Variants in NFIB observed in about 807,000 individuals in gnomAD.
NFIB encodes the protein nuclear factor I B.
Under a neutral mutation model 61.5 loss-of-function variants are expected in NFIB, and 11 were observed. The observed-to-expected ratio is 0.18, with a 90% confidence interval of 0.11 to 0.30. The LOEUF (loss-of-function observed/expected upper bound fraction) is 0.30, where lower values mean the gene tolerates loss of function less well. Ranked by LOEUF, NFIB falls within the 10% of genes least tolerant of loss-of-function variation. The probability of loss-of-function intolerance (pLI) is 1.00; values close to 1 mark genes in which losing one functional copy is unlikely to be tolerated. For missense variants in NFIB, 471 were observed against 608.9 expected (o/e 0.77, Z 2.38); for synonymous variants, 260 against 216.5 (o/e 1.20, Z -1.76).
the NFIB span, among the ~76,000 whole-genome samples, chr9:14,519,644 G>A: frequency 5.3e-5 from 8 of 152,242 alleles, no homozygotes; most frequent in East Asian, 1.5e-3. Flanking sequence ...GCCCTACTTA[G>A]AGTTAATTAC....
the NFIB span, among the ~76,000 whole-genome samples, chr9:14,404,063 G>A: frequency 6.6e-6 from 1 of 152,112 alleles, no homozygotes; most frequent in Non-Finnish European, 1.5e-5. Context: ...ATGTGTACTG[G>A]TCTTTCCTCC....
At chr9:14,285,024 G>C (rs1044580129) in intron 2 of NFIB, among the ~76,000 whole-genome samples, 5 of 152,194 alleles carry the variant, frequency 3.3e-5, no homozygotes, top group Admixed American at 3.3e-4. Context: ...AGACTGCTTA[G>C]TTTAAAAGAT....
chr9:14,504,219 G>C, the NFIB span, among the ~76,000 whole-genome samples: 2 of 152,106 alleles, frequency 1.3e-5, no homozygotes, highest in African/African-American at 4.8e-5. Flanking sequence ...ATGATGTTTT[G>C]GTGACTATGG....
At chr9:14,233,426 T>A (rs1444554704) in intron 2 of NFIB, among the ~76,000 whole-genome samples, 2 of 147,044 alleles carry the variant, frequency 1.4e-5, no homozygotes, top group African/African-American at 5.0e-5. Context: ...TTATTCTTTT[T>A]TTTTTTTTTT....
intron 2 of NFIB, among the ~76,000 whole-genome samples, chr9:14,211,193 A>T (rs574248288): frequency 6.6e-6 from 1 of 152,358 alleles, no homozygotes; most frequent in South Asian, 2.1e-4. Flanking sequence ...ACAATATTGT[A>T]TTCAAAAATA....
intron 1 of NFIB, among the ~76,000 whole-genome samples, chr9:14,396,489 C>G (rs1030153391): frequency 6.6e-6 from 1 of 151,934 alleles, no homozygotes; most frequent in Non-Finnish European, 1.5e-5. Flanking sequence ...AGGTGGGGAG[C>G]CTCTTTACTT....
chr9:14,091,910 G>A (rs1379185639), intron 10 of NFIB, among the ~76,000 whole-genome samples: 2 of 151,980 alleles, frequency 1.3e-5, no homozygotes, highest in Non-Finnish European at 2.9e-5. Context: ...ATTATAAAAT[G>A]AATACATAAG....
In NFIB at chr9:14,249,243, G is replaced by C. The variant is rs545788894; in HGVS notation, c.562+57746C>G. The stretch of plus-strand genomic sequence containing the variant: ...GATGGGGGTAGATATTATTATCTCT[G>C]CTTTACTGATAAGCAAATTATGAGT... On this transcript the variant is annotated intron_variant, in intron 2 of 10. Transcript: ENST00000380953. 3.7e-4 allele frequency among the ~76,000 whole-genome samples: 56 copies of C among 152,268 alleles called. No individual in the cohort carries two copies. In the South Asian group the frequency reaches 0.011, roughly 30 times the overall value.
At position 14,098,395 on chromosome 9, in the gene NFIB, C is replaced by T. The variant is rs568347; in HGVS notation, c.1468-10069G>A. On this transcript the variant is annotated intron_variant, in intron 10 of 10. Coordinates refer to ENST00000380953, the MANE Select transcript of NFIB (RefSeq NM_001190737.2). ...TTCTCTTTTGCATAAAGCACTCCCT[C>T]TAATGTTTTAAAATAGCTTATGTTT... is the stretch of plus-strand genomic sequence containing the variant. Among the ~76,000 whole-genome samples, 4 of 152,302 alleles carry T rather than the reference C, an allele frequency of 2.6e-5. No homozygotes were observed. The South Asian group carries it at 8.3e-4, about 32-fold the overall frequency.
chr9:14,302,743 C>G (rs543880403), intron 2 of NFIB, among the ~76,000 whole-genome samples: 1 of 152,150 alleles, frequency 6.6e-6, no homozygotes, highest in South Asian at 2.1e-4. Context: ...TCCCGCCCCC[C>G]GACTCCCACC....
the NFIB span, among the ~76,000 whole-genome samples, chr9:14,477,263 A>T: frequency 6.6e-6 from 1 of 152,362 alleles, no homozygotes; most frequent in African/African-American, 2.4e-5. Context: ...ACAAAATAAC[A>T]TATGCCTATG....
chr9:14,287,907 T>TA (rs1375771625), intron 2 of NFIB, among the ~76,000 whole-genome samples: 1 of 152,130 alleles, frequency 6.6e-6, no homozygotes, highest in Non-Finnish European at 1.5e-5. Context: ...TCAGATATTT[T>TA]AGTCTGACAA....
rs1167446449 is a variant in NFIB at position 14,127,411 on chromosome 9, C to A, written c.926-1645G>T. On this transcript the variant is annotated intron_variant, in intron 6 of 10. Transcript: ENST00000380953. ...GTAATGAATCCTCACGTACCGATAA[C>A]CCAACTTCGGCAATGATCAACTCAT... Among the ~76,000 whole-genome samples, 10 of 152,250 alleles carry A rather than the reference C, an allele frequency of 6.6e-5. No homozygotes were observed. The East Asian group carries it at 1.9e-3, about 29-fold the overall frequency.
intron 2 of NFIB, among the ~76,000 whole-genome samples, chr9:14,238,160 C>T (rs1031774413): frequency 3.3e-5 from 5 of 151,796 alleles, no homozygotes; most frequent in African/African-American, 4.8e-5. Flanking sequence ...GCCCTACCTA[C>T]GATCATCTGA....
chr9:14,529,912 A>G, the NFIB span, among the ~76,000 whole-genome samples: 4 of 152,344 alleles, frequency 2.6e-5, no homozygotes, highest in African/African-American at 9.6e-5. Flanking sequence ...CAATCAGCTT[A>G]TGCAAATCTT....
chr9:14,247,791 A>G (rs2055100620), intron 2 of NFIB, among the ~76,000 whole-genome samples: 1 of 152,124 alleles, frequency 6.6e-6, no homozygotes, highest in Admixed American at 6.5e-5. Flanking sequence ...GCATGCTTTG[A>G]TGTCACCTCA....
At chr9:14,506,171 T>G in the NFIB span, among the ~76,000 whole-genome samples, 6 of 152,318 alleles carry the variant, frequency 3.9e-5, no homozygotes, top group East Asian at 1.2e-3. Context: ...CTACAAAGTA[T>G]GAATACACCC....
the NFIB span, among the ~76,000 whole-genome samples, chr9:14,511,326 A>G: frequency 3.3e-5 from 5 of 151,960 alleles, no homozygotes; most frequent in Admixed American, 3.3e-4. Context: ...ACACTTGATT[A>G]CTTTATAAAA....
intron 2 of NFIB, among the ~76,000 whole-genome samples, chr9:14,302,375 G>A (rs1022373601): frequency 1.3e-5 from 2 of 152,092 alleles, no homozygotes; most frequent in Non-Finnish European, 2.9e-5. Flanking sequence ...GACTTCCCCT[G>A]TAAATAAGTC....
Sources: gnomAD v4.1 joint callset for allele counts (sites outside exome capture counted in the v4.1 genomes callset) on GRCh38, gnomAD v4.1.1 for gene constraint, MANE v1.5 for transcripts, NCBI Gene and HGNC (gene_info 2026-07-23, HGNC 2026-07-21) for gene names.